The following SDK1 variants were observed in gnomAD, a reference collection of about 807,000 sequenced individuals.
SDK1 encodes sidekick cell adhesion molecule 1, also known as protein sidekick-1.
In SDK1, 157 loss-of-function variants were observed where a neutral mutation model predicts 245.5. The ratio of observed to expected loss-of-function variants is 0.64; its 90% CI spans 0.56 to 0.73. The LOEUF is 0.73. Among genes scored for constraint, SDK1 ranks in the 30% least tolerant of loss-of-function variants. SDK1 has a pLI of 0.00. For synonymous variants in SDK1, 1,647 were observed against 1,278.5 expected, an observed-to-expected ratio of 1.29 and a Z score of -6.15; for missense variants, 3,583 against 3,002.3, an observed-to-expected ratio of 1.19 and a Z score of -4.52.
chr7:3,464,101 A>G (rs1780915449), intron 1 of SDK1, among the ~76,000 whole-genome samples: 1 of 152,224 alleles, frequency 6.6e-6, no homozygotes, highest in African/African-American at 2.4e-5. Context: ...ATTATTCTAA[A>G]AATACGCAGT....
chr7:4,257,733 A>T (rs1018105953), intron 44 of SDK1, among the ~76,000 whole-genome samples: 2 of 152,160 alleles, frequency 1.3e-5, no homozygotes, highest in African/African-American at 4.8e-5. Flanking sequence ...ATTAGCTGTT[A>T]TTATAGAATC....
intron 1 of SDK1, among the ~76,000 whole-genome samples, chr7:3,371,411 A>G (rs1289931389): frequency 6.6e-6 from 1 of 152,140 alleles, no homozygotes; most frequent in Non-Finnish European, 1.5e-5. Context: ...GAAAATGGTT[A>G]CATGTGAAAC....
chr7:4,132,181 C>T, intron 27 of SDK1, 144 bp from the exon 28 acceptor site: 2 of 605,868 alleles, frequency 3.3e-6, no homozygotes, highest in African/African-American at 1.8e-5. Flanking sequence ...GTCATCAGTC[C>T]AAAACTTTAG....
chr7:3,699,494 A>G (rs964723028), intron 4 of SDK1, among the ~76,000 whole-genome samples: 11 of 152,242 alleles, frequency 7.2e-5, no homozygotes, highest in African/African-American at 2.7e-4. Context: ...AATAAATTCA[A>G]TTAATCTTGA....
chr7:3,974,395 C>T lies in SDK1; in HGVS notation c.1844C>T (p.Ala615Val), dbSNP rs376668095. Reference protein sequence around the residue: ...LRYVWKKDNVALTPSSTSRIV... With the variant: ...LRYVWKKDNVVLTPSSTSRIV... ...TACGTTTGGAAGAAGGACAACGTGG[C>T]CCTGACTCCATCGAGCACGTCTAGG... Residue 615 changes from alanine to valine, a missense_variant, in exon 13 of 45, where the codon GCC (alanine) becomes GTC (valine). Coordinates refer to ENST00000404826, the MANE Select transcript of SDK1 (RefSeq NM_152744.4). 4.7e-5 allele frequency: 76 copies of T among 1,613,754 alleles called. No homozygotes were observed. The highest frequency in any genetic ancestry group is 6.0e-5 in the Non-Finnish European group (71 of 1,179,866).
At chr7:3,631,784 T>C (rs576330444) in intron 2 of SDK1, among the ~76,000 whole-genome samples, 6 of 152,342 alleles carry the variant, frequency 3.9e-5, no homozygotes, top group African/African-American at 1.4e-4. Context: ...TTAGGGATCA[T>C]TGTGGAAGCT....
At chr7:3,818,465 G>A (rs13221624) in intron 4 of SDK1, among the ~76,000 whole-genome samples, 44,402 of 152,074 alleles carry the variant, frequency 0.29, 8,146 homozygotes, top group African/African-American at 0.52. Flanking sequence ...AAAAGGAAAT[G>A]GCCTGTAATT....
chr7:3,588,359 T>C (rs1410950029), intron 1 of SDK1, among the ~76,000 whole-genome samples: 5 of 152,248 alleles, frequency 3.3e-5, no homozygotes, highest in African/African-American at 1.2e-4. Context: ...TTTAGTTGTA[T>C]ACTAATGAGT....
intron 1 of SDK1, among the ~76,000 whole-genome samples, chr7:3,446,169 G>A (rs1780336053): frequency 6.6e-6 from 1 of 152,014 alleles, no homozygotes; most frequent in African/African-American, 2.4e-5. Flanking sequence ...CTCAAGACAT[G>A]CTAATAATCA....
chr7:4,000,454 C>T (rs1583786426), intron 14 of SDK1, among the ~76,000 whole-genome samples: 2 of 152,308 alleles, frequency 1.3e-5, no homozygotes, highest in African/African-American at 4.8e-5. Context: ...AGCCCCTCCC[C>T]AGCATCTTTG....
chr7:3,918,063 A>C (rs913784531), intron 5 of SDK1, among the ~76,000 whole-genome samples: 1 of 152,186 alleles, frequency 6.6e-6, no homozygotes, highest in Admixed American at 6.5e-5. Flanking sequence ...AGGTAGACAA[A>C]ACAGAGGAAC....
chr7:3,748,854 G>C (rs373380158), intron 4 of SDK1, among the ~76,000 whole-genome samples: 198 of 152,258 alleles, frequency 1.3e-3, no homozygotes, highest in African/African-American at 4.6e-3. Flanking sequence ...TGAGATTACA[G>C]CATCACCGTT....
chr7:3,483,315 C>G (rs1288086040), intron 1 of SDK1, among the ~76,000 whole-genome samples: 1 of 152,036 alleles, frequency 6.6e-6, no homozygotes, highest in African/African-American at 2.4e-5. Context: ...ATCTTGCCAC[C>G]TTTTTTTAGT....
intron 20 of SDK1, among the ~76,000 whole-genome samples, chr7:4,072,395 G>A (rs1411115253): frequency 1.3e-5 from 2 of 152,164 alleles, no homozygotes; most frequent in Non-Finnish European, 2.9e-5. Context: ...AAGCTGCAGT[G>A]GACGCCTGCA....
chr7:3,806,472 T>C (rs1382881607), intron 4 of SDK1, among the ~76,000 whole-genome samples: 1 of 152,228 alleles, frequency 6.6e-6, no homozygotes, highest in Admixed American at 6.5e-5. Flanking sequence ...GCCCCAGAGC[T>C]CTGTGATGCT....
Position 4,079,671 on chromosome 7 carries a change from T to C in SDK1, c.3324+87T>C. The C allele has an allele frequency of 3.9e-6, 6 of 1,555,882 alleles. No homozygotes were observed. In the East Asian group the frequency reaches 1.4e-4, roughly 35 times the overall value. Reference sequence around the variant, plus strand: ...GAGTGGTACCCCTGCAGATGATGGCTTGGGGTGTCGGGGAGATGGGTGTGC... The same window carrying C: ...GAGTGGTACCCCTGCAGATGATGGCCTGGGGTGTCGGGGAGATGGGTGTGC... On this transcript the variant is annotated intron_variant, in intron 22 of 44. Coordinates refer to ENST00000404826, the MANE Select transcript of SDK1 (RefSeq NM_152744.4).
intron 5 of SDK1, among the ~76,000 whole-genome samples, chr7:3,936,583 T>C (rs1780167936): frequency 9.2e-6 from 1 of 109,214 alleles, no homozygotes; most frequent in Non-Finnish European, 1.7e-5. Context: ...AGACTCCATC[T>C]CAAAAAAAAA....
At chr7:4,133,188 C>G (rs942603106) in intron 28 of SDK1, among the ~76,000 whole-genome samples, 2 of 152,192 alleles carry the variant, frequency 1.3e-5, no homozygotes, top group East Asian at 3.8e-4. Context: ...TCCCGGGGAA[C>G]GCGTTTACTT....
At chr7:4,246,008 A>G (rs926425293) in intron 44 of SDK1, among the ~76,000 whole-genome samples, 1 of 152,218 alleles carries the variant, frequency 6.6e-6, no homozygotes, top group Non-Finnish European at 1.5e-5. Context: ...CAGAGCTCAC[A>G]TAGCCTCGAG....
Sources: allele counts gnomAD v4.1 joint callset (sites outside exome capture counted in the v4.1 genomes callset), GRCh38; gene constraint gnomAD v4.1.1; transcripts MANE v1.5; gene names NCBI Gene and HGNC (gene_info 2026-07-23, HGNC 2026-07-21).